NEDD9: variants seen among roughly 807,000 people sequenced by gnomAD.
NEDD9 encodes the protein neural precursor cell expressed, developmentally down-regulated 9, also known as enhancer of filamentation 1.
In NEDD9, 26 loss-of-function variants were observed where a neutral mutation model predicts 76.6. The ratio of observed to expected loss-of-function variants is 0.34; its 90% CI spans 0.25 to 0.47. NEDD9 has a LOEUF of 0.47. Ranked by LOEUF, NEDD9 falls within the 20% of genes least tolerant of loss-of-function variation. The probability of loss-of-function intolerance (pLI) is 1.00; values close to 1 mark genes in which losing one functional copy is unlikely to be tolerated. For missense variants in NEDD9, 937 were observed against 1,058.5 expected, an observed-to-expected ratio of 0.89 and a Z score of 1.59; for synonymous variants, 392 against 414.2, an observed-to-expected ratio of 0.95 and a Z score of 0.65.
chr6:11,355,882 G>A (rs540839585), intron 1 of NEDD9, among the ~76,000 whole-genome samples: 205 of 148,900 alleles, frequency 1.4e-3, no homozygotes, highest in African/African-American at 4.8e-3. Flanking sequence ...CACCACGCCC[G>A]GCTAATTTTT....
chr6:11,234,389 C>T (rs1007880298), upstream of NEDD9, among the ~76,000 whole-genome samples: 9 of 152,164 alleles, frequency 5.9e-5, no homozygotes, highest in East Asian at 7.7e-4. Context: ...GATAACATTC[C>T]TTTGGCTTCC....
intron 3 of NEDD9, chr6:11,305,970 GT>G (rs759178609): frequency 8.1e-6 from 13 of 1,613,262 alleles, no homozygotes; most frequent in African/African-American, 6.7e-5. Context: ...CAAATTGTCT[GT>G]TTTTTTCTAT....
chr6:11,242,143 G>A (rs1759721456), intron 3 of NEDD9, among the ~76,000 whole-genome samples: 1 of 152,168 alleles, frequency 6.6e-6, no homozygotes, highest in Non-Finnish European at 1.5e-5. Context: ...ACGGAGTATG[G>A]ACGGAGCATT....
intron 1 of NEDD9, among the ~76,000 whole-genome samples, chr6:11,378,684 A>G (rs1173737613): frequency 6.6e-6 from 1 of 152,230 alleles, no homozygotes; most frequent in Non-Finnish European, 1.5e-5. Context: ...AGCTAAATTT[A>G]TCTAAATTAT....
Position 11,379,154 on chromosome 6 carries a change from T to C in NEDD9, c.-214+2985A>G, listed in dbSNP as rs73722940. On this transcript the variant is annotated intron_variant, in intron 1 of 3. Coordinates refer to the NEDD9 transcript ENST00000397378. Reference sequence around the variant, plus strand: ...CAGGCAGGCCCTGGGTGGAAGGCACTGGGAGATGCAGCCATGCCCTTGAGG... The same window carrying C: ...CAGGCAGGCCCTGGGTGGAAGGCACCGGGAGATGCAGCCATGCCCTTGAGG... Among the ~76,000 whole-genome samples the C allele has an allele frequency of 3.6e-3, 547 of 152,322 alleles. 2 individuals carry two copies. Among genetic ancestry groups the C allele is most frequent in the African/African-American group, 0.013 (522 of 41,572 alleles).
At chr6:11,227,906 C>G (rs545094130) in intron 1 of NEDD9, among the ~76,000 whole-genome samples, 1 of 152,240 alleles carries the variant, frequency 6.6e-6, no homozygotes, top group South Asian at 2.1e-4. Flanking sequence ...GATGAGGAGA[C>G]TTTACTAGCG....
chr6:11,371,587 T>C (rs1459360098), intron 1 of NEDD9, among the ~76,000 whole-genome samples: 2 of 152,362 alleles, frequency 1.3e-5, no homozygotes, highest in Admixed American at 1.3e-4. Flanking sequence ...TTAAATGTGA[T>C]TTTTGTTTTA....
chr6:11,246,728 A>G (rs911472913), intron 3 of NEDD9, among the ~76,000 whole-genome samples: 1 of 152,184 alleles, frequency 6.6e-6, no homozygotes, highest in Non-Finnish European at 1.5e-5. Context: ...TCTCCCTTGC[A>G]GTATTCTATT....
At chr6:11,335,112 G>C (rs1762128853) in intron 1 of NEDD9, among the ~76,000 whole-genome samples, 1 of 115,154 alleles carries the variant, frequency 8.7e-6, no homozygotes, top group Admixed American at 9.5e-5. Context: ...GGTGCCTCAT[G>C]AGTTGACTGA....
intron 1 of NEDD9, among the ~76,000 whole-genome samples, chr6:11,375,163 G>C (rs1359468167): frequency 2.0e-5 from 3 of 152,188 alleles, no homozygotes; most frequent in African/African-American, 7.2e-5. Context: ...AGAAATGATA[G>C]ACTGTCATAC....
At chr6:11,217,147 G>A (rs1758978054) in intron 1 of NEDD9, among the ~76,000 whole-genome samples, 1 of 152,212 alleles carries the variant, frequency 6.6e-6, no homozygotes, top group South Asian at 2.1e-4. Context: ...TTTGGTGTTG[G>A]TGCAAGGTTT....
At chr6:11,242,406 A>C (rs1759726006) in intron 3 of NEDD9, among the ~76,000 whole-genome samples, 1 of 152,114 alleles carries the variant, frequency 6.6e-6, no homozygotes, top group Non-Finnish European at 1.5e-5. Context: ...CTCCTGATTC[A>C]TGCTCTAACC....
chr6:11,307,194 G>A (rs1432900750), intron 2 of NEDD9, among the ~76,000 whole-genome samples: 3 of 152,180 alleles, frequency 2.0e-5, no homozygotes, highest in African/African-American at 7.2e-5. Flanking sequence ...CTATGCAGCT[G>A]CCCTTAGGAG....
intron 2 of NEDD9, among the ~76,000 whole-genome samples, chr6:11,210,730 A>AGGAAGGGAGGGAGAG (rs1254822514): frequency 9.4e-5 from 13 of 137,666 alleles, no homozygotes; most frequent in Non-Finnish European, 2.0e-4. Context: ...GAAGGAAGGG[A>AGGAAGGGAGGGAGAG]GGAAGGGAGG....
chr6:11,214,602 T>C (rs1758891228), intron 1 of NEDD9, among the ~76,000 whole-genome samples: 1 of 152,198 alleles, frequency 6.6e-6, no homozygotes, highest in Non-Finnish European at 1.5e-5. Flanking sequence ...ACAGCCAAAG[T>C]AGGCATTCAG....
chr6:11,284,501 T>C (rs528118895), intron 3 of NEDD9, among the ~76,000 whole-genome samples: 135 of 150,066 alleles, frequency 9.0e-4, no homozygotes, highest in African/African-American at 3.0e-3. Context: ...GGGAGGTGGA[T>C]GTTGCAATGA....
intron 2 of NEDD9, among the ~76,000 whole-genome samples, chr6:11,212,819 G>C (rs1758824630): frequency 1.3e-5 from 2 of 152,190 alleles, no homozygotes; most frequent in Admixed American, 1.3e-4. Context: ...TCGCTACTTT[G>C]GGTGGGTTCC....
At chr6:11,377,701 C>T (rs957266437) in intron 1 of NEDD9, among the ~76,000 whole-genome samples, 3 of 152,116 alleles carry the variant, frequency 2.0e-5, no homozygotes, top group African/African-American at 4.8e-5. Context: ...ATTCAGACTT[C>T]GGGAGACTAC....
chr6:11,285,708 A>G (rs1405391863), intron 3 of NEDD9, among the ~76,000 whole-genome samples: 2 of 152,232 alleles, frequency 1.3e-5, no homozygotes, highest in Non-Finnish European at 2.9e-5. Context: ...AGGCCTACAC[A>G]CCTATATGGA....
Sources: gnomAD v4.1 joint callset for allele counts (sites outside exome capture counted in the v4.1 genomes callset) on GRCh38, gnomAD v4.1.1 for gene constraint, MANE v1.5 for transcripts, NCBI Gene and HGNC (gene_info 2026-07-23, HGNC 2026-07-21) for gene names.